ACSL6: variants seen among roughly 807,000 people sequenced by gnomAD.
ACSL6 encodes the protein acyl-CoA synthetase long chain family member 6.
ACSL6 carries 47 observed loss-of-function variants against 98.2 expected under a neutral mutation model. The ratio of observed to expected loss-of-function variants is 0.48; its 90% CI spans 0.38 to 0.61. The LOEUF (loss-of-function observed/expected upper bound fraction) is 0.61. ACSL6 is among the 20% of genes least tolerant of loss of function. The pLI, the probability that ACSL6 is intolerant of heterozygous loss-of-function variation, is 0.00. For missense variants in ACSL6, 761 were observed against 913.4 expected, an observed-to-expected ratio of 0.83 and a Z score of 2.15; for synonymous variants, 362 against 336.9, an observed-to-expected ratio of 1.07 and a Z score of -0.82.
Position 131,988,171 on chromosome 5 carries a change from C to T in ACSL6, c.708G>A (p.Glu236=), listed in dbSNP as rs771137428. 1 of 1,614,190 alleles carries T rather than the reference C, an allele frequency of 6.2e-7. No homozygotes were observed. The highest frequency in any genetic ancestry group is 2.2e-5 in the East Asian group (1 of 44,882). ...CTGGAGTCTCCTTCCTCTCCACATG[C>T]TCTAGCAGAAGCACAGCCTTCTGAG... is the stretch of plus-strand genomic sequence containing the variant. The part of the protein sequence containing the change: ...DKPQKAVLLL[E]HVERKETPGL... Residue 236 remains glutamate (E), a synonymous_variant, in exon 7 of 21, where the codon GAG becomes GAA. Transcript: ENST00000651883.
chr5:132,002,550 C>T (rs1378007741), intron 1 of ACSL6, among the ~76,000 whole-genome samples: 1 of 152,108 alleles, frequency 6.6e-6, no homozygotes, highest in African/African-American at 2.4e-5. Flanking sequence ...ATTTGCTTGC[C>T]TGCTTGTTCA....
rs145178213 is a variant in ACSL6, at chr5:131,959,159, C to T, written c.2031+377G>A. Among the ~76,000 whole-genome samples, 840 of 152,236 alleles carry T rather than the reference C, an allele frequency of 5.5e-3. 5 individuals are homozygous for T. Among genetic ancestry groups the T allele is most frequent in the Middle Eastern group, 0.02 (6 of 294 alleles). ...GAAGACCAATCTTTCCAGTGTCCTC[C>T]TAACAAGTAAACTTGTCTGCTGAAG... On this transcript the variant is annotated intron_variant, in intron 20 of 20. Transcript: ENST00000651883.
At chr5:131,975,559 C>G in intron 10 of ACSL6, 4 of 985,298 alleles carry the variant, frequency 4.1e-6, no homozygotes, top group Non-Finnish European at 4.8e-6. Flanking sequence ...GAGGAGGAGA[C>G]AAGGCCAAAC....
At chr5:131,967,439 G>A (rs979755389) in intron 16 of ACSL6, among the ~76,000 whole-genome samples, 10 of 151,914 alleles carry the variant, frequency 6.6e-5, no homozygotes, top group Non-Finnish European at 1.2e-4. Context: ...CGAGGTGGGC[G>A]GATCACGAAG....
At chr5:131,978,453 CCT>C (rs1417007487) in intron 9 of ACSL6, among the ~76,000 whole-genome samples, 6 of 152,146 alleles carry the variant, frequency 3.9e-5, no homozygotes, top group Non-Finnish European at 8.8e-5. Context: ...AGGGCAGAAA[CCT>C]CTGTTAGCAA....
chr5:131,952,784 T>C lies in ACSL6; in HGVS notation c.*1450A>G, dbSNP rs193120784. The stretch of plus-strand genomic sequence containing the variant: ...GGTTAAACTTCGGCACGCTTAAAGA[T>C]TTTAGGAATGTAATTATGCCATTAG... On this transcript the variant is annotated 3_prime_UTR_variant, in exon 21 of 21. Transcript: ENST00000651883. The C allele has an allele frequency of 4.6e-6, 1 of 217,766 alleles. No homozygotes were observed. The highest frequency in any genetic ancestry group is 9.2e-6 in the Non-Finnish European group (1 of 108,486). 13.5% of individuals were successfully genotyped at this position (217,766 alleles called of 1,614,324 possible). A position where few individuals can be genotyped will look rare whatever the true frequency, so the allele number is the denominator to read the frequency against.
rs556701368 is a variant in ACSL6 at position 131,971,788 on chromosome 5, T to C, written c.1339-143A>G. The C allele has an allele frequency of 1.7e-4, 99 of 585,436 alleles. No homozygotes were observed. The African/African-American group carries it at 1.7e-3, about 10-fold the overall frequency. The allele number at this position is 585,436 out of a possible 1,614,324, so 36.3% of individuals were successfully genotyped here. ...GGATCAGAAAGAAGGCCTGAGGTTG[T>C]ACAACACACGAGCTGAGGAAACTCC... On this transcript the variant is annotated intron_variant, in intron 13 of 20. Coordinates refer to ENST00000651883, the MANE Select transcript of ACSL6 (RefSeq NM_001009185.3).
At chr5:132,000,646 C>G (rs1435188713) in intron 1 of ACSL6, among the ~76,000 whole-genome samples, 1 of 152,148 alleles carries the variant, frequency 6.6e-6, no homozygotes, top group South Asian at 2.1e-4. Context: ...CAGCTAGACT[C>G]ATGGTGGCAC....
intron 17 of ACSL6, among the ~76,000 whole-genome samples, chr5:131,963,382 A>C (rs927860442): frequency 4.8e-4 from 73 of 152,232 alleles, no homozygotes; most frequent in Middle Eastern, 3.4e-3. Context: ...ACCGCCACTG[A>C]CAATGCACCT....
rs769686302 is a variant in ACSL6, at chr5:131,988,184, A to G, written c.695T>C (p.Val232Ala). ...TVIVDKPQKA[V>A]LLLEHVERKE... ...CCTCTCCACATGCTCTAGCAGAAGC[A>G]CAGCCTTCTGAGGTTTGTCCACAAT... The change falls in exon 7 of 21, where the codon GTG becomes GCG. Residue 232 changes from valine (V) to alanine (A), a missense_variant. Coordinates refer to ENST00000651883, the MANE Select transcript of ACSL6 (RefSeq NM_001009185.3). The G allele has an allele frequency of 3.1e-6, 5 of 1,614,212 alleles. No homozygotes were observed. In the East Asian group the frequency reaches 6.7e-5, roughly 22 times the overall value.
intron 1 of ACSL6, among the ~76,000 whole-genome samples, chr5:132,003,019 G>A (rs1755174999): frequency 6.6e-6 from 1 of 152,216 alleles, no homozygotes; most frequent in Admixed American, 6.5e-5. Flanking sequence ...CTGCAGCCAG[G>A]ATCCGGCATG....
At chr5:131,955,031 AC>A (rs1394370062) in intron 20 of ACSL6, among the ~76,000 whole-genome samples, 1 of 152,224 alleles carries the variant, frequency 6.6e-6, no homozygotes, top group Non-Finnish European at 1.5e-5. Flanking sequence ...TATTCCAAAT[AC>A]AATAGTAAGA....
Position 131,972,761 on chromosome 5 carries a change from T to A in ACSL6, c.1301A>T (p.Asp434Val), listed in dbSNP as rs1300474930. ...AEVRSGIIRN[D>V]SIWDELFFNK... Reference sequence around the variant, plus strand: ...AAAGAAGAGTTCATCCCAGATACTATCATTCCTGATGATTCCACTCCGGAC... The same window carrying A: ...AAAGAAGAGTTCATCCCAGATACTAACATTCCTGATGATTCCACTCCGGAC... Residue 434 changes from aspartate to valine, a missense_variant, in exon 13 of 21, where the codon GAT (aspartate) becomes GTT (valine). Asp to Val is a radical substitution (Grantham distance 152). Transcript: ENST00000651883. 19 of 1,614,118 alleles carry A rather than the reference T, an allele frequency of 1.2e-5. No individual in the cohort carries two copies. Among genetic ancestry groups the A allele is most frequent in the Admixed American group, 1.7e-5 (1 of 60,012 alleles).
chr5:131,988,751 G>T, intron 6 of ACSL6, 54 bp downstream of exon 6: 1 of 1,584,638 alleles, frequency 6.3e-7, no homozygotes. Flanking sequence ...GAAGCTGGAG[G>T]CTGGAGGCTG....
intron 3 of ACSL6, 37 bp from the exon 4 acceptor site, chr5:131,990,201 G>A: frequency 6.2e-7 from 1 of 1,606,890 alleles, no homozygotes; most frequent in Admixed American, 1.7e-5. Flanking sequence ...TCAGAGAGGG[G>A]TCAGAGTGGG....
At chr5:131,994,710 T>C (rs1754703542) in intron 1 of ACSL6, 1 of 177,774 alleles carries the variant, frequency 5.6e-6, no homozygotes, top group African/African-American at 2.4e-5. Flanking sequence ...GGTGAAGGAA[T>C]GCAGGCTCCT....
At chr5:131,987,488 C>CCTA (rs1754260594) in intron 7 of ACSL6, among the ~76,000 whole-genome samples, 1 of 152,076 alleles carries the variant, frequency 6.6e-6, no homozygotes. Context: ...GGGCCTGGGG[C>CCTA]CTAGATCCAG....
upstream of ACSL6, chr5:132,011,827 G>A (rs4705908): frequency 0.37 from 557,901 of 1,488,964 alleles, 112,283 homozygotes; most frequent in Non-Finnish European, 0.42. This position sits in a 1 kb window ranked among gnomAD's most constrained non-coding sequence, Gnocchi z 5.4. Flanking sequence ...TGACCGCGGT[G>A]TCGGAACCGC....
chr5:131,988,351 A>ATT, intron 6 of ACSL6, 125 bp from the exon 7 acceptor site: 1 of 1,324,852 alleles, frequency 7.5e-7, no homozygotes, highest in Non-Finnish European at 1.1e-6. Flanking sequence ...TTATGTGTAA[A>ATT]TAAATACATA....
Sources: allele counts gnomAD v4.1 joint callset (sites outside exome capture counted in the v4.1 genomes callset), GRCh38; gene constraint gnomAD v4.1.1; non-coding constraint Gnocchi (gnomAD v3.1); transcripts MANE v1.5; gene names NCBI Gene and HGNC (gene_info 2026-07-23, HGNC 2026-07-21).